The following SPATA17 variants were observed in gnomAD, a reference collection of about 807,000 sequenced individuals.
SPATA17 encodes the protein spermatogenesis associated 17.
A neutral mutation model predicts 62.2 loss-of-function variants in SPATA17; 53 were observed. That is an observed-to-expected ratio of 0.85 (90% confidence interval 0.68 to 1.07). The LOEUF is 1.07. Among genes scored for constraint, SPATA17 ranks in the 50% least tolerant of loss-of-function variants. The pLI is 0.00. For synonymous variants in SPATA17, 146 were observed against 146.8 expected, an observed-to-expected ratio of 0.99 and a Z score of 0.04; for missense variants, 466 against 425.5, an observed-to-expected ratio of 1.10 and a Z score of -0.84.
At chr1:217,859,084 T>A (rs1240849321) in intron 9 of SPATA17, among the ~76,000 whole-genome samples, 1 of 147,832 alleles carries the variant, frequency 6.8e-6, no homozygotes, top group African/African-American at 2.4e-5. Context: ...TTTATATATG[T>A]AGAAAATTAT....
intron 9 of SPATA17, among the ~76,000 whole-genome samples, chr1:217,814,049 A>G (rs932508980): frequency 3.9e-5 from 6 of 152,134 alleles, no homozygotes; most frequent in Non-Finnish European, 8.8e-5. Context: ...AAATGATACA[A>G]CAGGGTTCCT....
intron 9 of SPATA17, among the ~76,000 whole-genome samples, chr1:217,817,523 A>G (rs183412519): frequency 5.5e-4 from 84 of 152,112 alleles, no homozygotes; most frequent in Non-Finnish European, 9.4e-4. Context: ...TCTTTCCTTT[A>G]TAATTTACCT....
intron 6 of SPATA17, among the ~76,000 whole-genome samples, chr1:217,749,986 T>TATATATATATATATAC (rs1672867774): frequency 3.9e-5 from 1 of 25,880 alleles, no homozygotes; most frequent in Non-Finnish European, 8.8e-5. Context: ...TCTCTCTCTC[T>TATATATATATATATAC]ATATATATAT....
chr1:217,704,230 CTTTTTTTTTTTTTTTT>C (rs560591615), intron 5 of SPATA17, among the ~76,000 whole-genome samples: 4 of 41,694 alleles, frequency 9.6e-5, no homozygotes, highest in Non-Finnish European at 1.4e-4. Flanking sequence ...TTCCCTCTAC[CTTTTTTTTTTTTTTTT>C]TTTTTTTTTT....
chr1:217,788,614 GT>G (rs1234856756), intron 8 of SPATA17, among the ~76,000 whole-genome samples: 6 of 152,004 alleles, frequency 3.9e-5, no homozygotes, highest in Non-Finnish European at 5.9e-5. Context: ...TGTGAGGAGG[GT>G]TCAATTTACC....
intron 9 of SPATA17, among the ~76,000 whole-genome samples, chr1:217,815,023 G>C (rs1324561874): frequency 1.3e-5 from 2 of 151,946 alleles, no homozygotes; most frequent in African/African-American, 2.4e-5. Flanking sequence ...TTTTAAATTT[G>C]AAGGCCTCAA....
At chr1:217,633,948 C>G (rs1440714266) in intron 1 of SPATA17, among the ~76,000 whole-genome samples, 1 of 152,178 alleles carries the variant, frequency 6.6e-6, no homozygotes, top group Non-Finnish European at 1.5e-5. Context: ...GAGGAAGGAT[C>G]TGGAACTCCA....
chr1:217,758,642 T>G (rs1673103141), intron 6 of SPATA17, among the ~76,000 whole-genome samples: 1 of 152,088 alleles, frequency 6.6e-6, no homozygotes, highest in African/African-American at 2.4e-5. Context: ...TATAGCCCAG[T>G]GGGTATGGCA....
rs146544453 is a variant in SPATA17 at position 217,816,251 on chromosome 1, G to A, written c.1005+14401G>A. Among the ~76,000 whole-genome samples, 1,085 of 151,736 alleles carry A rather than the reference G, an allele frequency of 7.2e-3. 15 individuals carry two copies. The highest frequency in any genetic ancestry group is 0.025 in the African/African-American group (1,027 of 41,460). ...TTTAATTGACCTTAAGAAGAGTTTT[G>A]TAACTTTTCCAGTTTCCAGTTATTG... On this transcript the variant is annotated intron_variant, in intron 9 of 10. Transcript: ENST00000366933.
chr1:217,733,846 T>A lies in SPATA17; in HGVS notation c.396-8129T>A, dbSNP rs372012885. Among the ~76,000 whole-genome samples the A allele has an allele frequency of 3.9e-5, 6 of 152,304 alleles. No homozygotes were observed. In the East Asian group the frequency reaches 1.2e-3, roughly 29 times the overall value. ...TTCAACTCTATATTTCAGAATAAGG[T>A]GTGAAACTCAGGCGCAACCTGAGTG... On this transcript the variant is annotated intron_variant, in intron 5 of 10. Coordinates refer to ENST00000366933, the MANE Select transcript of SPATA17 (RefSeq NM_138796.4).
intron 1 of SPATA17, among the ~76,000 whole-genome samples, chr1:217,642,204 C>CTTT (rs1670081497): frequency 6.6e-6 from 1 of 152,146 alleles, no homozygotes; most frequent in African/African-American, 2.4e-5. Flanking sequence ...ATCTGCTAGG[C>CTTT]TTCTCTACTG....
intron 3 of SPATA17, among the ~76,000 whole-genome samples, chr1:217,655,758 GT>G (rs1670427369): frequency 1.3e-5 from 2 of 151,966 alleles, no homozygotes; most frequent in South Asian, 4.2e-4. Flanking sequence ...TCACTAAATG[GT>G]TTGGTGCTCA....
At chr1:217,679,873 G>T (rs1457184642) in intron 4 of SPATA17, among the ~76,000 whole-genome samples, 1 of 151,992 alleles carries the variant, frequency 6.6e-6, no homozygotes, top group African/African-American at 2.4e-5. Flanking sequence ...GCCAATTTCA[G>T]TTTTTTTCTT....
chr1:217,794,571 T>C (rs1674088847), intron 8 of SPATA17, among the ~76,000 whole-genome samples: 1 of 152,142 alleles, frequency 6.6e-6, no homozygotes, highest in Admixed American at 6.5e-5. Flanking sequence ...TTAGATAAAT[T>C]GAAAAGTAAT....
chr1:217,853,423 T>C (rs887358757), intron 9 of SPATA17, among the ~76,000 whole-genome samples: 67 of 152,280 alleles, frequency 4.4e-4, no homozygotes, highest in Non-Finnish European at 7.6e-4. Flanking sequence ...AACTCATTAG[T>C]TCATTTTATG....
chr1:217,645,208 A>G (rs756467447), intron 1 of SPATA17, among the ~76,000 whole-genome samples: 2 of 152,132 alleles, frequency 1.3e-5, no homozygotes, highest in Non-Finnish European at 2.9e-5. Context: ...AATATAACAT[A>G]TGCTTGTATA....
intron 9 of SPATA17, among the ~76,000 whole-genome samples, chr1:217,837,175 C>T (rs1014812300): frequency 1.4e-4 from 22 of 151,976 alleles, no homozygotes; most frequent in African/African-American, 5.3e-4. Context: ...TTTTGGTTCT[C>T]AGTATGTTTC....
At chr1:217,787,556 A>G (rs1223824861) in intron 8 of SPATA17, among the ~76,000 whole-genome samples, 1 of 152,176 alleles carries the variant, frequency 6.6e-6, no homozygotes, top group Non-Finnish European at 1.5e-5. Context: ...CCATTTAAAA[A>G]AATAAAGAAG....
At chr1:217,683,871 A>G (rs1179270100) in intron 5 of SPATA17, among the ~76,000 whole-genome samples, 1 of 152,050 alleles carries the variant, frequency 6.6e-6, no homozygotes, top group East Asian at 1.9e-4. Context: ...CAAGTTATTT[A>G]TGTGTGTAGT....
Sources: allele counts gnomAD v4.1 joint callset (sites outside exome capture counted in the v4.1 genomes callset), GRCh38; gene constraint gnomAD v4.1.1; transcripts MANE v1.5; gene names NCBI Gene and HGNC (gene_info 2026-07-23, HGNC 2026-07-21).